Variants in CPB2 observed in about 807,000 individuals in gnomAD.
The protein encoded by CPB2 is carboxypeptidase B2, also known as carboxypeptidase B-like protein.
A neutral mutation model predicts 57.0 loss-of-function variants in CPB2; 54 were observed. The observed-to-expected ratio is 0.95, with a 90% CI of 0.76 to 1.19. The LOEUF is 1.19. Among genes scored for constraint, CPB2 ranks in the 50% most tolerant of loss-of-function variants. The probability of loss-of-function intolerance (pLI) is 0.00; values close to 1 mark genes in which losing one functional copy is unlikely to be tolerated. For synonymous variants in CPB2, 189 were observed against 178.1 expected, an observed-to-expected ratio of 1.06 and a Z score of -0.49; for missense variants, 426 against 512.0, an observed-to-expected ratio of 0.83 and a Z score of 1.62.
At chr13:46,079,738 G>C (rs1213104255) in intron 4 of CPB2, among the ~76,000 whole-genome samples, 1 of 152,074 alleles carries the variant, frequency 6.6e-6, no homozygotes, top group East Asian at 1.9e-4. Context: ...TCAAACCCTG[G>C]CTTTATCTCT....
At chr13:46,081,013 A>C (rs183317448) in intron 4 of CPB2, among the ~76,000 whole-genome samples, 2 of 151,510 alleles carry the variant, frequency 1.3e-5, no homozygotes, top group East Asian at 3.9e-4. Context: ...CATATGAGGA[A>C]GAACGCTGTG....
In CPB2 at chr13:46,093,507, A is replaced by G. The variant is rs1026477588; in HGVS notation, c.75-5687T>C. Among the ~76,000 whole-genome samples the G allele has an allele frequency of 5.3e-5, 8 of 152,354 alleles. No homozygotes were observed. In the Middle Eastern group the frequency reaches 0.02, roughly 389 times the overall value. On this transcript the variant is annotated intron_variant, in intron 1 of 10. Transcript: ENST00000181383. ...TGTCGAATGTTGGTAGTGTCTCCAC[A>G]TTCTAGAATGCTTTTCAGTCATTAT...
At chr13:46,063,607 T>C (rs1056760745) in intron 8 of CPB2, among the ~76,000 whole-genome samples, 1 of 152,190 alleles carries the variant, frequency 6.6e-6, no homozygotes, top group African/African-American at 2.4e-5. Flanking sequence ...TCTTTGCTCT[T>C]GTGAATAGTG....
intron 2 of CPB2, among the ~76,000 whole-genome samples, chr13:46,085,373 C>T (rs751765420): frequency 5.3e-5 from 8 of 152,106 alleles, no homozygotes; most frequent in Non-Finnish European, 1.5e-5. Flanking sequence ...CGTGAATATG[C>T]ACCATTTAGC....
rs145616451 is a variant in CPB2 at position 46,053,204 on chromosome 13, A to G, written c.*410T>C. On this transcript the variant is annotated 3_prime_UTR_variant, in exon 11 of 11. Coordinates refer to ENST00000181383, the MANE Select transcript of CPB2 (RefSeq NM_001872.5). ...TGCATGGTTGTATTTCTAAAGGCAC[A>G]AGCAGAAATTTATTGAAAATTTGGA... 5.3e-4 allele frequency: 85 copies of G among 160,836 alleles called. 1 individual carries two copies. The highest frequency in any genetic ancestry group is 3.2e-3 in the Middle Eastern group (1 of 310). 10.0% of individuals were successfully genotyped at this position (160,836 alleles called of 1,614,324 possible).
intron 4 of CPB2, among the ~76,000 whole-genome samples, chr13:46,081,518 C>T (rs2045118176): frequency 6.6e-6 from 1 of 152,048 alleles, no homozygotes; most frequent in Non-Finnish European, 1.5e-5. Flanking sequence ...CCTCAATCAA[C>T]CAGGCACACA....
chr13:46,094,515 C>A (rs2045338689), intron 1 of CPB2, among the ~76,000 whole-genome samples: 2 of 152,130 alleles, frequency 1.3e-5, no homozygotes, highest in Admixed American at 1.3e-4. Flanking sequence ...TGAGGGCTAA[C>A]TACAGGACAT....
chr13:46,092,054 G>A (rs1478097584), intron 1 of CPB2, among the ~76,000 whole-genome samples: 2 of 152,148 alleles, frequency 1.3e-5, no homozygotes, highest in African/African-American at 2.4e-5. Flanking sequence ...TTAACTGAAC[G>A]AGATTTTTCT....
chr13:46,084,477 C>CGG, intron 2 of CPB2, 134 bp from the exon 3 acceptor site: 2 of 816,960 alleles, frequency 2.4e-6, no homozygotes, highest in Non-Finnish European at 3.7e-6. Context: ...TCCCCATCCA[C>CGG]ACACATGGTA....
At chr13:46,103,078 C>A (rs532351660) in intron 1 of CPB2, among the ~76,000 whole-genome samples, 2 of 151,972 alleles carry the variant, frequency 1.3e-5, no homozygotes, top group Admixed American at 1.3e-4. Context: ...CTTCTATTTG[C>A]GTTATATTTA....
In CPB2 at chr13:46,073,875, G is replaced by A. The variant is rs1459881140; in HGVS notation, c.589C>T (p.His197Tyr). The part of the protein sequence containing the change: ...SPAFCLWFIG[H>Y]ITQFYGIIGQ... ...GTTAAGAGAATGTGAATACTTACAT[G>A]GCCTATGAACCACAAGCAGAAAGCA... Residue 197 changes from histidine to tyrosine, a missense_variant and splice_region_variant, in exon 6 of 11, where the codon CAT becomes TAT. His to Tyr is a moderately conservative substitution (Grantham distance 83). Coordinates refer to ENST00000181383, the MANE Select transcript of CPB2 (RefSeq NM_001872.5). 4.5e-6 allele frequency: 7 copies of A among 1,540,208 alleles called. No homozygotes were observed. Among genetic ancestry groups the A allele is most frequent in the South Asian group, 1.2e-5 (1 of 82,992 alleles).
chr13:46,081,708 A>G (rs1015212625), intron 4 of CPB2, among the ~76,000 whole-genome samples: 1 of 152,254 alleles, frequency 6.6e-6, no homozygotes, highest in African/African-American at 2.4e-5. Context: ...ATTAGGCAAT[A>G]TAGCTGCATA....
At chr13:46,074,137 G>A (rs2139376378) in intron 5 of CPB2, among the ~76,000 whole-genome samples, 160 bp from the exon 6 acceptor site, 1 of 152,274 alleles carries the variant, frequency 6.6e-6, no homozygotes, top group African/African-American at 2.4e-5. Context: ...TTTAAACACT[G>A]GTGATACTAA....
At chr13:46,085,216 T>G (rs2045184728) in intron 2 of CPB2, among the ~76,000 whole-genome samples, 1 of 152,216 alleles carries the variant, frequency 6.6e-6, no homozygotes, top group African/African-American at 2.4e-5. Flanking sequence ...TAGGCAGGTG[T>G]TATTATTTGC....
intron 6 of CPB2, chr13:46,073,540 G>A: frequency 2.3e-6 from 2 of 874,026 alleles, no homozygotes; most frequent in Non-Finnish European, 2.7e-6. Flanking sequence ...AAATTAATTG[G>A]GCCCCAACTT....
chr13:46,087,601 T>A (rs1470008982), intron 2 of CPB2, 144 bp downstream of exon 2: 1 of 616,678 alleles, frequency 1.6e-6, no homozygotes, highest in African/African-American at 1.9e-5. Flanking sequence ...AACAAAATCA[T>A]GTGATTATGA....
At chr13:46,069,700 GT>G (rs1252918229) in intron 6 of CPB2, among the ~76,000 whole-genome samples, 1 of 152,136 alleles carries the variant, frequency 6.6e-6, no homozygotes, top group Non-Finnish European at 1.5e-5. Flanking sequence ...GCTGATTGAT[GT>G]TTCATTGCAT....
chr13:46,057,417 G>T (rs779552761), intron 9 of CPB2, among the ~76,000 whole-genome samples: 1 of 152,094 alleles, frequency 6.6e-6, no homozygotes, highest in Non-Finnish European at 1.5e-5. Flanking sequence ...AAAAAAAAAT[G>T]AGTCACTAAG....
chr13:46,089,650 G>C (rs2045262044), intron 1 of CPB2, among the ~76,000 whole-genome samples: 1 of 152,126 alleles, frequency 6.6e-6, no homozygotes, highest in Non-Finnish European at 1.5e-5. Context: ...AGGAGATGAG[G>C]GTTTTGGGAG....
Sources: allele counts gnomAD v4.1 joint callset (sites outside exome capture counted in the v4.1 genomes callset), GRCh38; gene constraint gnomAD v4.1.1; transcripts MANE v1.5; gene names NCBI Gene and HGNC (gene_info 2026-07-23, HGNC 2026-07-21).